Variants in PEAK1 observed in about 807,000 individuals in gnomAD.
The protein encoded by PEAK1 is pseudopodium enriched atypical kinase 1, also known as inactive tyrosine-protein kinase PEAK1.
In PEAK1, 54 loss-of-function variants were observed where a neutral mutation model predicts 124.7. That is an observed-to-expected ratio of 0.43 (90% CI 0.35 to 0.54). The LOEUF is 0.54. PEAK1 is among the 20% of genes least tolerant of loss of function. PEAK1 has a pLI of 0.01. For synonymous variants in PEAK1, 719 were observed against 760.0 expected (o/e 0.95, Z 0.89); for missense variants, 2,046 against 2,134.5 (o/e 0.96, Z 0.82).
rs889129095 is a variant in PEAK1, at chr15:77,346,146, T to C, written c.-603+19017A>G. On this transcript the variant is annotated intron_variant, in intron 2 of 9. Transcript: ENST00000682557. ...AGCTATATTTTATAGAATTGCCACT[T>C]TCCTCACCAATACCAATAAATAAAT... 1.3e-4 allele frequency: 124 copies of C among 984,726 alleles called. No homozygotes were observed. In the African/African-American group the frequency reaches 2.0e-3, roughly 16 times the overall value. 61.0% of individuals were successfully genotyped at this position (984,726 alleles called of 1,614,324 possible). A position where few individuals can be genotyped will look rare whatever the true frequency, so the allele number is the denominator to read the frequency against.
At chr15:77,410,981 C>T (rs1281829942) in intron 1 of PEAK1, among the ~76,000 whole-genome samples, 1 of 152,064 alleles carries the variant, frequency 6.6e-6, no homozygotes, top group Non-Finnish European at 1.5e-5. Flanking sequence ...TGAAAGCCTA[C>T]CTATTTTTAA....
rs2057141353 is a variant in PEAK1, at chr15:77,179,940, G to A, written c.1987C>T (p.His663Tyr). The change falls in exon 7 of 10, where the codon CAT becomes TAT. Residue 663 changes from histidine (H) to tyrosine (Y), a missense_variant. By Grantham distance (83) the His-to-Tyr change is moderately conservative. Transcript: ENST00000682557. ...VKEKTTSVISHTYEEIETESK... is the reference protein window; with the variant it reads ...VKEKTTSVISYTYEEIETESK... Reference sequence around the variant, plus strand: ...TCTGTTTCTATTTCTTCATAAGTATGGCTTATTACACTTGTGGTTTTTTCC... The same window carrying A: ...TCTGTTTCTATTTCTTCATAAGTATAGCTTATTACACTTGTGGTTTTTTCC... 6.2e-7 allele frequency: 1 copy of A among 1,613,900 alleles called. No homozygotes were observed. Among genetic ancestry groups the A allele is most frequent in the Admixed American group, 1.7e-5 (1 of 60,006 alleles).
At chr15:77,388,965 T>A (rs897542091) in intron 1 of PEAK1, among the ~76,000 whole-genome samples, 3 of 150,184 alleles carry the variant, frequency 2.0e-5, no homozygotes, top group African/African-American at 7.3e-5. Context: ...TGCTTATTTT[T>A]TTTTTTTTTT....
chr15:77,141,878 C>T (rs2053817596), intron 8 of PEAK1, among the ~76,000 whole-genome samples: 1 of 151,784 alleles, frequency 6.6e-6, no homozygotes, highest in South Asian at 2.1e-4. Context: ...AGAGCTAAAA[C>T]TAAAAACTCT....
intron 2 of PEAK1, chr15:77,351,122 T>A (rs944391936): frequency 1.1e-5 from 2 of 176,082 alleles, no homozygotes; most frequent in African/African-American, 4.8e-5. Context: ...ACAACATGTA[T>A]ACAAACCACT....
intron 1 of PEAK1, among the ~76,000 whole-genome samples, chr15:77,415,343 T>TA (rs1295804593): frequency 1.3e-5 from 2 of 152,254 alleles, no homozygotes; most frequent in Non-Finnish European, 2.9e-5. Context: ...GGAAGCCGTT[T>TA]ACAAAGAGTA....
intron 6 of PEAK1, among the ~76,000 whole-genome samples, chr15:77,225,019 G>A (rs2059568384): frequency 6.6e-6 from 1 of 151,898 alleles, no homozygotes; most frequent in African/African-American, 2.4e-5. Flanking sequence ...ATTTCATCAT[G>A]TGACTTGCTT....
chr15:77,417,796 C>A (rs921139827), intron 1 of PEAK1: 1 of 985,212 alleles, frequency 1.0e-6, no homozygotes, highest in Non-Finnish European at 1.2e-6. Flanking sequence ...CACCACGGAA[C>A]AATTTAGAAG....
chr15:77,182,054 A>C lies in PEAK1; in HGVS notation c.-114-14T>G. On this transcript the variant is annotated splice_polypyrimidine_tract_variant and intron_variant, in intron 6 of 9. Transcript: ENST00000682557. ...AGAATGATCAATCTGTGGAGGGGAA[A>C]AGAAGACAAAAAATCTGAATGAAAA... is the stretch of plus-strand genomic sequence containing the variant. 1 of 1,384,330 alleles carries C rather than the reference A, an allele frequency of 7.2e-7. No homozygotes were observed. The highest frequency in any genetic ancestry group is 2.6e-5 in the East Asian group (1 of 39,180). The allele number at this position is 1,384,330 out of a possible 1,614,324, so 85.8% of individuals were successfully genotyped here. A position where few individuals can be genotyped will look rare whatever the true frequency, so the allele number is the denominator to read the frequency against.
At chr15:77,239,777 C>T (rs1196461497) in intron 6 of PEAK1, 1 of 911,526 alleles carries the variant, frequency 1.1e-6, no homozygotes, top group African/African-American at 1.8e-5. Context: ...TCACATATTA[C>T]ATACCTCCTG....
At chr15:77,189,387 A>C (rs535872631) in intron 6 of PEAK1, among the ~76,000 whole-genome samples, 6 of 152,332 alleles carry the variant, frequency 3.9e-5, no homozygotes, top group African/African-American at 1.4e-4. Context: ...GCTTCATGGC[A>C]TCTGGAGGCT....
intron 5 of PEAK1, among the ~76,000 whole-genome samples, chr15:77,258,544 A>G (rs2061284660): frequency 6.6e-6 from 1 of 152,170 alleles, no homozygotes; most frequent in Admixed American, 6.5e-5. Context: ...TTATTGGTGT[A>G]TAAGAATGCT....
At chr15:77,197,989 ATATTT>A (rs2058189511) in intron 6 of PEAK1, among the ~76,000 whole-genome samples, 1 of 152,216 alleles carries the variant, frequency 6.6e-6, no homozygotes, top group East Asian at 1.9e-4. Flanking sequence ...TATGGATAGT[ATATTT>A]TATCATTTAC....
intron 1 of PEAK1, chr15:77,419,030 G>C: frequency 1.0e-6 from 1 of 985,270 alleles, no homozygotes. Flanking sequence ...AAATCAATTA[G>C]GTTTTCTATA....
intron 9 of PEAK1, among the ~76,000 whole-genome samples, chr15:77,125,728 T>A (rs753714160): frequency 1.3e-5 from 2 of 152,240 alleles, no homozygotes; most frequent in Non-Finnish European, 2.9e-5. Context: ...TTAACAGTCC[T>A]CACATTTTGT....
At chr15:77,397,905 CA>C (rs796918702) in intron 1 of PEAK1, among the ~76,000 whole-genome samples, 80 of 147,650 alleles carry the variant, frequency 5.4e-4, no homozygotes, top group African/African-American at 1.8e-3. Flanking sequence ...ACTAAAAATA[CA>C]AAAAAAAAAT....
At chr15:77,214,485 A>C (rs2059053954) in intron 6 of PEAK1, among the ~76,000 whole-genome samples, 1 of 151,208 alleles carries the variant, frequency 6.6e-6, no homozygotes. Context: ...TTAGCCGGGC[A>C]TGGTGGCGGG....
intron 9 of PEAK1, among the ~76,000 whole-genome samples, chr15:77,129,067 T>C (rs1042778552): frequency 2.0e-5 from 3 of 152,124 alleles, no homozygotes; most frequent in African/African-American, 7.2e-5. Flanking sequence ...GTCATAAGCA[T>C]AGGGCCCTGA....
rs71143395 is a variant in PEAK1, at chr15:77,182,749, C to CAAAAAA, written c.-114-715_-114-710dup. 4.9e-3 allele frequency among the ~76,000 whole-genome samples: 320 copies of CAAAAAA among 65,130 alleles called. 22 individuals carry two copies. Among genetic ancestry groups the CAAAAAA allele is most frequent in the African/African-American group, 0.018 (299 of 16,186 alleles). 42.7% of individuals were successfully genotyped at this position (65,130 alleles called of 152,430 possible). A position where few individuals can be genotyped will look rare whatever the true frequency, so the allele number is the denominator to read the frequency against. ...TGGGTGACAGAGTGAGACCTTGTCTCAAAAAAAAAAAAAAAAAAAAGGCTG... is the reference window on the plus strand; with the variant it reads ...TGGGTGACAGAGTGAGACCTTGTCTCAAAAAAAAAAAAAAAAAAAAAAAAAAGGCTG... On this transcript the variant is annotated intron_variant, in intron 6 of 9. Transcript: ENST00000682557.
Sources: allele counts gnomAD v4.1 joint callset (sites outside exome capture counted in the v4.1 genomes callset), GRCh38; gene constraint gnomAD v4.1.1; transcripts MANE v1.5; gene names NCBI Gene and HGNC (gene_info 2026-07-23, HGNC 2026-07-21).